The following FHIP1A variants were observed in gnomAD, a reference collection of about 807,000 sequenced individuals.
The protein encoded by FHIP1A is FHF complex subunit HOOK interacting protein 1A.
Under a neutral mutation model 88.6 loss-of-function variants are expected in FHIP1A, and 61 were observed. That is an observed-to-expected ratio of 0.69 (90% CI 0.56 to 0.85). FHIP1A has a LOEUF of 0.85. Ranked by LOEUF, FHIP1A falls within the 40% of genes least tolerant of loss-of-function variation. The pLI, the probability that FHIP1A is intolerant of heterozygous loss-of-function variation, is 0.00. For synonymous variants in FHIP1A, 478 were observed against 496.0 expected (o/e 0.96, Z 0.48); for missense variants, 1,154 against 1,273.5 (o/e 0.91, Z 1.43).
At chr4:151,653,828 G>A (rs1260031817) in intron 11 of FHIP1A, among the ~76,000 whole-genome samples, 2 of 152,134 alleles carry the variant, frequency 1.3e-5, no homozygotes, top group Non-Finnish European at 1.5e-5. Context: ...GAGGGTGCAG[G>A]CTCGATGGAG....
chr4:151,539,562 TAAA>T (rs1215200409), intron 3 of FHIP1A, among the ~76,000 whole-genome samples: 14 of 102,560 alleles, frequency 1.4e-4, no homozygotes, highest in African/African-American at 1.2e-4. Flanking sequence ...AGACTCTGTC[TAAA>T]AAAAAAAAAA....
chr4:151,526,507 C>T (rs1468905888), intron 3 of FHIP1A, among the ~76,000 whole-genome samples: 18 of 150,186 alleles, frequency 1.2e-4, no homozygotes, highest in South Asian at 2.1e-4. Context: ...ACCTCCCTCC[C>T]GGACGGGGCG....
intron 3 of FHIP1A, among the ~76,000 whole-genome samples, chr4:151,530,849 C>T (rs2126711595): frequency 6.6e-6 from 1 of 152,306 alleles, no homozygotes; most frequent in Admixed American, 6.5e-5. Flanking sequence ...TACAAAAACA[C>T]TTAGCATAGT....
intron 7 of FHIP1A, 91 bp downstream of exon 7, chr4:151,589,017 A>G (rs1029459084): frequency 7.9e-6 from 7 of 885,724 alleles, no homozygotes; most frequent in East Asian, 2.7e-5. Context: ...TTTGATGGTG[A>G]TTTTAGCCTG....
At chr4:151,573,440 T>C (rs908968149) in intron 4 of FHIP1A, among the ~76,000 whole-genome samples, 2 of 152,344 alleles carry the variant, frequency 1.3e-5, no homozygotes, top group Non-Finnish European at 2.9e-5. Flanking sequence ...GTTGAGGTGT[T>C]GATTAGTTTT....
intron 3 of FHIP1A, among the ~76,000 whole-genome samples, chr4:151,498,644 T>C (rs866278426): frequency 2.6e-5 from 4 of 152,152 alleles, no homozygotes; most frequent in South Asian, 2.1e-4. Context: ...TGAAACCCCA[T>C]CTCTACTAAA....
Position 151,656,670 on chromosome 4 carries a change from A to G in FHIP1A, c.2731-90A>G. On this transcript the variant is annotated intron_variant, in intron 12 of 13. Coordinates refer to ENST00000435205, the MANE Select transcript of FHIP1A (RefSeq NM_001109977.3). The surrounding 1 kb of genome is among the most constrained non-coding windows in gnomAD (Gnocchi z 4.2). ...AATGTCTAACATCATAATAGTTCCCATAATGAGGGTGCTACCTGCAAGATA... is the reference window on the plus strand; with the variant it reads ...AATGTCTAACATCATAATAGTTCCCGTAATGAGGGTGCTACCTGCAAGATA... 7.3e-7 allele frequency: 1 copy of G among 1,372,368 alleles called. No individual in the cohort carries two copies. Among genetic ancestry groups the G allele is most frequent in the Non-Finnish European group, 9.9e-7 (1 of 1,007,462 alleles). 85.0% of individuals were successfully genotyped at this position (1,372,368 alleles called of 1,614,324 possible). A position where few individuals can be genotyped will look rare whatever the true frequency, so the allele number is the denominator to read the frequency against.
At chr4:151,504,565 A>ATGTTG (rs1170687552) in intron 3 of FHIP1A, among the ~76,000 whole-genome samples, 3 of 109,772 alleles carry the variant, frequency 2.7e-5, no homozygotes, top group African/African-American at 1.0e-4. Context: ...AAAAAATTTT[A>ATGTTG]TGTTATGTTA....
intron 1 of FHIP1A, among the ~76,000 whole-genome samples, chr4:151,410,709 A>G (rs1026273147): frequency 2.0e-5 from 3 of 152,208 alleles, no homozygotes; most frequent in South Asian, 2.1e-4. Context: ...GAGAACTTCA[A>G]AGGTCTTCTT....
At chr4:151,572,439 A>C in intron 4 of FHIP1A, among the ~76,000 whole-genome samples, 1 of 152,188 alleles carries the variant, frequency 6.6e-6, no homozygotes, top group East Asian at 1.9e-4. Context: ...ACTGGTGTTA[A>C]GTGAATACGT....
intron 7 of FHIP1A, among the ~76,000 whole-genome samples, chr4:151,591,575 G>A (rs1216663331): frequency 6.6e-6 from 1 of 152,072 alleles, no homozygotes; most frequent in Non-Finnish European, 1.5e-5. Flanking sequence ...TCTACATTAG[G>A]TATTTCTCCT....
chr4:151,534,306 C>T (rs1267171287), intron 3 of FHIP1A, among the ~76,000 whole-genome samples: 1 of 152,232 alleles, frequency 6.6e-6, no homozygotes, highest in East Asian at 1.9e-4. Flanking sequence ...AATAGAAACA[C>T]TAATAGTAAA....
chr4:151,545,487 C>T (rs993915042), intron 3 of FHIP1A, among the ~76,000 whole-genome samples: 4 of 147,250 alleles, frequency 2.7e-5, no homozygotes, highest in South Asian at 2.2e-4. Context: ...AAGCAATTCT[C>T]CTGCCTCAGC....
At chr4:151,599,542 A>G (rs1734781716) in intron 7 of FHIP1A, among the ~76,000 whole-genome samples, 1 of 152,192 alleles carries the variant, frequency 6.6e-6, no homozygotes, top group Admixed American at 6.5e-5. Flanking sequence ...GCTGGCTGGA[A>G]GTGTCCTAGA....
intron 3 of FHIP1A, among the ~76,000 whole-genome samples, chr4:151,542,969 GC>G (rs1238349887): frequency 3.3e-5 from 5 of 152,200 alleles, no homozygotes; most frequent in East Asian, 3.8e-4. Flanking sequence ...TAAGAATTTA[GC>G]AAAAGGGTGA....
At chr4:151,504,614 T>C (rs62327237) in intron 3 of FHIP1A, among the ~76,000 whole-genome samples, 10 of 119,062 alleles carry the variant, frequency 8.4e-5, no homozygotes, top group East Asian at 7.4e-4. Flanking sequence ...TATGTCATGT[T>C]ATGTTATGTC....
In FHIP1A at chr4:151,498,611, C is replaced by A. The variant is rs1443533763; in HGVS notation, c.-123+15963C>A. ...TGGGCGGATCACGAGGTCAGGAGAT[C>A]GAGACCATCCTGGCTAACACGGTGA... On this transcript the variant is annotated intron_variant, in intron 3 of 13. Transcript: ENST00000435205. Among the ~76,000 whole-genome samples, 3 of 152,042 alleles carry A rather than the reference C, an allele frequency of 2.0e-5. No homozygotes were observed. The East Asian group carries it at 5.8e-4, about 29-fold the overall frequency.
intron 1 of FHIP1A, among the ~76,000 whole-genome samples, chr4:151,426,322 A>G (rs567364842): frequency 2.0e-5 from 3 of 152,196 alleles, no homozygotes; most frequent in Non-Finnish European, 4.4e-5. Context: ...AAAATACCAT[A>G]TTAACATTGA....
chr4:151,454,440 A>G (rs1316319704), intron 1 of FHIP1A, among the ~76,000 whole-genome samples: 1 of 152,198 alleles, frequency 6.6e-6, no homozygotes, highest in Non-Finnish European at 1.5e-5. Flanking sequence ...AGAGACTCTG[A>G]AATAGCTCTT....
Sources: gnomAD v4.1 joint callset for allele counts (sites outside exome capture counted in the v4.1 genomes callset) on GRCh38, gnomAD v4.1.1 for gene constraint, Gnocchi (gnomAD v3.1) non-coding constraint, MANE v1.5 for transcripts, NCBI Gene and HGNC (gene_info 2026-07-23, HGNC 2026-07-21) for gene names.